The following NME8 variants were observed in gnomAD, a reference collection of about 807,000 sequenced individuals.
The protein encoded by NME8 is NME/NM23 family member 8.
Under a neutral mutation model 82.3 loss-of-function variants are expected in NME8, and 72 were observed. The observed-to-expected ratio is 0.87, with a 90% CI of 0.72 to 1.06. The LOEUF (loss-of-function observed/expected upper bound fraction) is 1.06, where lower values mean the gene tolerates loss of function less well. NME8 is among the 50% of genes least tolerant of loss of function. The probability of loss-of-function intolerance (pLI) is 0.00; values close to 1 mark genes in which losing one functional copy is unlikely to be tolerated. For synonymous variants in NME8, 267 were observed against 228.5 expected (o/e 1.17, Z -1.52); for missense variants, 712 against 685.4 (o/e 1.04, Z -0.43).
rs1000055522 is a variant in NME8, at chr7:37,877,772, C to T, written c.994+765C>T. On this transcript the variant is annotated intron_variant, in intron 12 of 17. Transcript: ENST00000199447. ...TAGCAGCATCCTTGGCCTCTACTCA[C>T]TAAAAGTCAGTATCATACCCCCCTT... is the stretch of plus-strand genomic sequence containing the variant. 9.9e-5 allele frequency among the ~76,000 whole-genome samples: 15 copies of T among 152,132 alleles called. 1 individual carries two copies. Among genetic ancestry groups the T allele is most frequent in the African/African-American group, 3.6e-4 (15 of 41,424 alleles).
chr7:37,857,386 G>A (rs150983980), intron 6 of NME8, 41 bp downstream of exon 6: 1 of 1,338,382 alleles, frequency 7.5e-7, no homozygotes, highest in Non-Finnish European at 1.1e-6. Context: ...TCAGATTCCA[G>A]TTTGCAGTTA....
intron 14 of NME8, among the ~76,000 whole-genome samples, chr7:37,887,214 ACT>A (rs1365451968): frequency 2.6e-5 from 4 of 152,098 alleles, no homozygotes; most frequent in African/African-American, 9.7e-5. Flanking sequence ...ATAACAATAA[ACT>A]GTCTAATGTG....
At chr7:37,876,080 G>A (rs1298771345) in intron 11 of NME8, among the ~76,000 whole-genome samples, 1 of 142,658 alleles carries the variant, frequency 7.0e-6, no homozygotes, top group Non-Finnish European at 1.5e-5. Context: ...CTGGGGGTGT[G>A]CGCCTGTAGT....
intron 17 of NME8, 56 bp downstream of exon 17, chr7:37,897,163 C>G: frequency 9.0e-7 from 1 of 1,109,224 alleles, no homozygotes; most frequent in Non-Finnish European, 1.3e-6. Flanking sequence ...GTGACTGAGG[C>G]TAGGACAAAC....
intron 5 of NME8, among the ~76,000 whole-genome samples, chr7:37,853,926 ATAT>A (rs1439420221): frequency 6.0e-5 from 9 of 150,590 alleles, no homozygotes; most frequent in African/African-American, 2.2e-4. Flanking sequence ...AGTTACTGTT[ATAT>A]TATTATTAAA....
Position 37,867,720 on chromosome 7 carries a change from G to A in NME8, c.640G>A (p.Val214Ile). 1 of 1,613,070 alleles carries A rather than the reference G, an allele frequency of 6.2e-7. No individual in the cohort carries two copies. Among genetic ancestry groups the A allele is most frequent in the Non-Finnish European group, 8.5e-7 (1 of 1,179,148 alleles). The change falls in exon 11 of 18, where the codon GTC becomes ATC. Residue 214 changes from valine (V) to isoleucine (I), a missense_variant. Physicochemically the swap from Val to Ile is conservative, Grantham distance 29 (BLOSUM62 3). Coordinates refer to ENST00000199447, the MANE Select transcript of NME8 (RefSeq NM_016616.5). ...TTTGTAGTGTGACTTCGAAGAGTTT[G>A]TCTCTTTTATGACAAGTGGCTTAAG... ...IADQCDFEEF[V>I]SFMTSGLSYI...
intron 12 of NME8, among the ~76,000 whole-genome samples, chr7:37,882,613 G>GAAAGAAAGAA (rs1554365644): frequency 4.7e-5 from 4 of 85,072 alleles, no homozygotes; most frequent in African/African-American, 1.4e-4. Flanking sequence ...GAGAGAGAGA[G>GAAAGAAAGAA]AGAAAGAAAG....
chr7:37,870,209 A>G (rs1051089857), intron 11 of NME8, among the ~76,000 whole-genome samples: 13 of 151,352 alleles, frequency 8.6e-5, no homozygotes, highest in African/African-American at 3.2e-4. Context: ...TGGGCCACAC[A>G]TAAAATACAC....
At chr7:37,898,760 T>C (rs1562845024) in intron 17 of NME8, among the ~76,000 whole-genome samples, 1 of 152,144 alleles carries the variant, frequency 6.6e-6, no homozygotes, top group South Asian at 2.1e-4. Context: ...TTCCTTTAAG[T>C]TGACAAAATA....
rs201987014 is a variant in NME8 at position 37,867,832 on chromosome 7, G to T, written c.752G>T (p.Arg251Leu). The change falls in exon 11 of 18, where the codon CGA (arginine) becomes CTA (leucine). Residue 251 changes from arginine to leucine, a missense_variant. Physicochemically the swap from Arg to Leu is moderately radical, Grantham distance 102. Coordinates refer to ENST00000199447, the MANE Select transcript of NME8 (RefSeq NM_016616.5). ...EPQTDTEPNE[R>L]SEDQPEVEAQ... ...CAGACTGACACCGAACCTAACGAAC[G>T]ATCTGAGGATCAACCTGAGGTCGAA... The T allele has an allele frequency of 1.2e-6, 2 of 1,613,826 alleles. No individual in the cohort carries two copies. Among genetic ancestry groups the T allele is most frequent in the East Asian group, 4.5e-5 (2 of 44,818 alleles).
rs1383383745 is a variant in NME8, at chr7:37,863,430, A to G, written c.422A>G (p.Glu141Gly). The G allele has an allele frequency of 6.2e-7, 1 of 1,600,410 alleles. No individual in the cohort carries two copies. Among genetic ancestry groups the G allele is most frequent in the Admixed American group, 1.7e-5 (1 of 59,986 alleles). The change falls in exon 8 of 18, where the codon GAA becomes GGA. Residue 141 changes from glutamate (E) to glycine (G), a missense_variant. Physicochemically the swap from Glu to Gly is moderately conservative, Grantham distance 98. Transcript: ENST00000199447. Reference sequence around the variant, plus strand: ...ATTCCATTAGTAGACTCAGATTCAGAAGTTAGTGAAGAATCACCATGTGAA... The same window carrying G: ...ATTCCATTAGTAGACTCAGATTCAGGAGTTAGTGAAGAATCACCATGTGAA... ...PEIPLVDSDSEVSEESPCESV... is the reference protein window; with the variant it reads ...PEIPLVDSDSGVSEESPCESV...
At chr7:37,884,278 T>C (rs1353889708) in intron 12 of NME8, 25 bp from the exon 13 acceptor site, 2 of 1,474,614 alleles carry the variant, frequency 1.4e-6, no homozygotes, top group Non-Finnish European at 1.9e-6. Flanking sequence ...AGTTTAAAAC[T>C]TATTATGTAA....
At chr7:37,853,681 G>A (rs1182327032) in intron 5 of NME8, among the ~76,000 whole-genome samples, 1 of 152,108 alleles carries the variant, frequency 6.6e-6, no homozygotes, top group Non-Finnish European at 1.5e-5. Flanking sequence ...ATTGTGAGCA[G>A]CAATGGAGGG....
chr7:37,861,513 G>C (rs2131946650), intron 6 of NME8, among the ~76,000 whole-genome samples: 1 of 152,206 alleles, frequency 6.6e-6, no homozygotes, highest in East Asian at 1.9e-4. Flanking sequence ...TAAGGTTGCT[G>C]TTTCACATGT....
Position 37,850,300 on chromosome 7 carries a change from G to T in NME8, c.33+1G>T, listed in dbSNP as rs757623095. On this transcript the variant is annotated splice_donor_variant, in intron 3 of 17. Transcript: ENST00000199447. LOFTEE classifies it high-confidence loss of function. ...CAAAAAACGAGAAGTCCAGTTACAG[G>T]TGGGTCTGACATATCAACAATTCTT... The T allele has an allele frequency of 3.7e-6, 6 of 1,614,016 alleles. No individual in the cohort carries two copies. In the South Asian group the frequency reaches 6.6e-5, roughly 18 times the overall value.
intron 14 of NME8, among the ~76,000 whole-genome samples, chr7:37,885,776 C>T (rs955396600): frequency 6.6e-6 from 1 of 152,180 alleles, no homozygotes; most frequent in African/African-American, 2.4e-5. Flanking sequence ...ATTTTCTGAG[C>T]TTACCTGCTA....
In NME8 at chr7:37,863,462, C is replaced by A; in HGVS notation, c.454C>A (p.Gln152Lys). The change falls in exon 8 of 18, where the codon CAG becomes AAG. Residue 152 changes from glutamine (Q) to lysine (K), a missense_variant and splice_region_variant. Coordinates refer to ENST00000199447, the MANE Select transcript of NME8 (RefSeq NM_016616.5). The stretch of plus-strand genomic sequence containing the variant: ...TGAAGAATCACCATGTGAAAGTGTT[C>A]GTAAGTAAATTTACTTCAAAGTAAT... ...VSEESPCESV[Q>K]ELYSIAIIKP... 3 of 1,581,224 alleles carry A rather than the reference C, an allele frequency of 1.9e-6. No individual in the cohort carries two copies. The highest frequency in any genetic ancestry group is 1.1e-5 in the South Asian group (1 of 90,294).
intron 12 of NME8, among the ~76,000 whole-genome samples, chr7:37,882,593 AAGAAAGAG>A (rs1418959853): frequency 5.8e-4 from 30 of 51,826 alleles, no homozygotes; most frequent in African/African-American, 2.1e-3. Context: ...GAAAGAAAGA[AAGAAAGAG>A]AGAGAGAGAG....
At chr7:37,874,971 C>T (rs1036812161) in intron 11 of NME8, among the ~76,000 whole-genome samples, 4 of 152,112 alleles carry the variant, frequency 2.6e-5, no homozygotes, top group Admixed American at 2.0e-4. Context: ...TCATACACCT[C>T]CTATGTGATG....
Sources: gnomAD v4.1 joint callset for allele counts (sites outside exome capture counted in the v4.1 genomes callset) on GRCh38, gnomAD v4.1.1 for gene constraint, MANE v1.5 for transcripts, NCBI Gene and HGNC (gene_info 2026-07-23, HGNC 2026-07-21) for gene names.